DKK3: variants seen among roughly 807,000 people sequenced by gnomAD.
DKK3 encodes dickkopf Wnt signaling pathway inhibitor 3, also known as dickkopf-related protein 3.
A neutral mutation model predicts 33.2 loss-of-function variants in DKK3; 22 were observed. The observed-to-expected ratio is 0.66, with a 90% CI of 0.47 to 0.95. The LOEUF (loss-of-function observed/expected upper bound fraction) is 0.95, where lower values mean the gene tolerates loss of function less well. DKK3 is among the 40% of genes least tolerant of loss of function. DKK3 has a pLI of 0.00. For missense variants in DKK3, 398 were observed against 458.4 expected (o/e 0.87, Z 1.20); for synonymous variants, 194 against 188.8 (o/e 1.03, Z -0.23).
rs529692888 is a variant in DKK3, at chr11:11,964,278, G to C, written c.*186C>G. On this transcript the variant is annotated 3_prime_UTR_variant, in exon 7 of 7. Coordinates refer to ENST00000683431, the MANE Select transcript of DKK3 (RefSeq NM_001018057.2). ...GCCTGACTCTCCCAAGCACCAGACT[G>C]TGAAGCCTGGAGAACAGCCTGGGGG... 2.7e-6 allele frequency: 2 copies of C among 752,732 alleles called. No homozygotes were observed. Among genetic ancestry groups the C allele is most frequent in the East Asian group, 5.1e-5 (2 of 38,962 alleles). 46.6% of individuals were successfully genotyped at this position (752,732 alleles called of 1,614,324 possible).
In DKK3 at chr11:12,008,490, T is replaced by C; in HGVS notation, c.93A>G (p.Pro31=). 6.2e-7 allele frequency: 1 copy of C among 1,602,280 alleles called. No homozygotes were observed. The highest frequency in any genetic ancestry group is 8.5e-7 in the Non-Finnish European group (1 of 1,178,078). ...PAPAPTATSA[P]VKPGPALSYP... ...AGCTGAGAGCCGGGCCGGGCTTGAC[T>C]GGAGCCGAGGTCGCCGTCGGAGCGG... Residue 31 remains proline (P), a synonymous_variant, in exon 1 of 7, where the codon CCA becomes CCG. Transcript: ENST00000683431. The surrounding 1 kb of genome is among the most constrained non-coding windows in gnomAD (Gnocchi z 4.6).
rs760620074 is a variant in DKK3 at position 11,963,422 on chromosome 11, A to G, written c.*1042T>C. The G allele has an allele frequency of 1.3e-4, 20 of 152,306 alleles. No individual in the cohort carries two copies. The highest frequency in any genetic ancestry group is 6.2e-4 in the South Asian group (3 of 4,830). 9.4% of individuals were successfully genotyped at this position (152,306 alleles called of 1,614,324 possible). A position where few individuals can be genotyped will look rare whatever the true frequency, so the allele number is the denominator to read the frequency against. On this transcript the variant is annotated 3_prime_UTR_variant, in exon 7 of 7. Coordinates refer to ENST00000683431, the MANE Select transcript of DKK3 (RefSeq NM_001018057.2). The stretch of plus-strand genomic sequence containing the variant: ...TTTCATTTATAATCCTCGCCCTACA[A>G]TTACCTAAGTACTGTTTCTGCAGGT...
chr11:11,971,145 A>T (rs983554103), intron 3 of DKK3, among the ~76,000 whole-genome samples: 4 of 151,646 alleles, frequency 2.6e-5, no homozygotes, highest in Admixed American at 6.6e-5. Flanking sequence ...ACACTTGTCC[A>T]TATATGTAAA....
chr11:12,005,918 T>C (rs1848527305), intron 1 of DKK3, among the ~76,000 whole-genome samples: 1 of 152,234 alleles, frequency 6.6e-6, no homozygotes, highest in African/African-American at 2.4e-5. Context: ...TAATTTTTAA[T>C]GGTTTAAGAT....
intron 1 of DKK3, among the ~76,000 whole-genome samples, chr11:12,005,942 G>A (rs985644604): frequency 6.6e-6 from 1 of 152,088 alleles, no homozygotes; most frequent in Non-Finnish European, 1.5e-5. Flanking sequence ...TTAAAAGATA[G>A]ATTCTATTGA....
chr11:12,003,628 C>G (rs1046552811), intron 1 of DKK3, among the ~76,000 whole-genome samples: 1 of 152,042 alleles, frequency 6.6e-6, no homozygotes, highest in Non-Finnish European at 1.5e-5. Context: ...ACTAATTGAG[C>G]CAATCAGATA....
chr11:11,967,377 T>C (rs145030369), intron 4 of DKK3, among the ~76,000 whole-genome samples: 28 of 152,354 alleles, frequency 1.8e-4, no homozygotes, highest in African/African-American at 5.8e-4. Context: ...AGGGGGTCTT[T>C]GTGGTCCCCA....
chr11:11,967,226 T>A, intron 4 of DKK3, 128 bp from the exon 5 acceptor site: 1 of 1,212,824 alleles, frequency 8.2e-7, no homozygotes. Context: ...CAGACCAGGC[T>A]GAGATTTCAG....
Position 11,998,704 on chromosome 11 carries a change from T to C in DKK3, c.427A>G (p.Arg143Gly). The change falls in exon 3 of 7, where the codon AGG becomes GGG. Residue 143 changes from arginine (R) to glycine (G), a missense_variant. Arg to Gly is a moderately radical substitution (Grantham distance 125, BLOSUM62 -2). Transcript: ENST00000683431. ...GGGAAATGACAACTTACGTGGCTCCTTCTGCCTTCTTCGTCTCCCACAGAT... is the reference window on the plus strand; with the variant it reads ...GGGAAATGACAACTTACGTGGCTCCCTCTGCCTTCTTCGTCTCCCACAGAT... ...ITSVGDEEGR[R>G]SHECIIDEDC... 1 of 1,614,080 alleles carries C rather than the reference T, an allele frequency of 6.2e-7. No individual in the cohort carries two copies. The highest frequency in any genetic ancestry group is 8.5e-7 in the Non-Finnish European group (1 of 1,179,908).
chr11:11,975,264 G>C (rs534129528), intron 3 of DKK3, among the ~76,000 whole-genome samples: 2 of 152,318 alleles, frequency 1.3e-5, no homozygotes, highest in Admixed American at 6.5e-5. Context: ...TAAGCCTTCA[G>C]CATCTTATTG....
At chr11:11,998,235 GCCCTGAAATGGACGGACAGCCTTTTT>G in intron 3 of DKK3, 1 of 210,782 alleles carries the variant, frequency 4.7e-6, no homozygotes, top group Non-Finnish European at 9.3e-6. Flanking sequence ...CCAGAGCCTA[GCCCTGAAATGGACGGACAGCCTTTTT>G]CCCTTTAGGC....
At chr11:11,995,517 C>A (rs1848273991) in intron 3 of DKK3, among the ~76,000 whole-genome samples, 1 of 152,178 alleles carries the variant, frequency 6.6e-6, no homozygotes, top group Admixed American at 6.5e-5. Flanking sequence ...ACCGGAAAGA[C>A]AACACATGCA....
rs560085303 is a variant in DKK3, at chr11:11,991,912, A to G, written c.435+6784T>C. On this transcript the variant is annotated intron_variant, in intron 3 of 6. Transcript: ENST00000683431. ...TGGCTACCTGGTTTTCCCCTGCACC[A>G]TGCCCCCACAATGCCCTGTGCAACC... Among the ~76,000 whole-genome samples, 57 of 152,296 alleles carry G rather than the reference A, an allele frequency of 3.7e-4. No homozygotes were observed. In the Middle Eastern group the frequency reaches 0.01, roughly 27 times the overall value.
chr11:12,005,026 G>GA (rs1272087959), intron 1 of DKK3, among the ~76,000 whole-genome samples: 4 of 152,248 alleles, frequency 2.6e-5, no homozygotes, highest in East Asian at 3.9e-4. Flanking sequence ...GTTAGTGATA[G>GA]AAAAAAACGC....
intron 3 of DKK3, among the ~76,000 whole-genome samples, chr11:11,971,031 T>C (rs1428936018): frequency 5.5e-5 from 7 of 127,188 alleles, no homozygotes; most frequent in African/African-American, 2.2e-4. Context: ...AATTGAAGAT[T>C]TTTTTTTTTT....
chr11:11,997,814 C>A (rs1438920182), intron 3 of DKK3, among the ~76,000 whole-genome samples: 4 of 152,174 alleles, frequency 2.6e-5, no homozygotes, highest in Non-Finnish European at 4.4e-5. Flanking sequence ...AAGACAACAC[C>A]ACCTTCCTAA....
At chr11:11,994,595 C>T (rs947403118) in intron 3 of DKK3, 8 of 152,054 alleles carry the variant, frequency 5.3e-5, no homozygotes, top group African/African-American at 1.9e-4. Context: ...AAATCATAAG[C>T]CCCCAGCGAT....
chr11:12,002,164 T>A, intron 2 of DKK3, 136 bp downstream of exon 2: 1 of 1,008,384 alleles, frequency 9.9e-7, no homozygotes, highest in Non-Finnish European at 1.4e-6. Flanking sequence ...TCCTTCTGGT[T>A]TTCAATCCGT....
At chr11:11,998,307 C>G (rs1848341939) in intron 3 of DKK3, 1 of 312,516 alleles carries the variant, frequency 3.2e-6, no homozygotes, top group African/African-American at 2.2e-5. Context: ...TGTTCTCAAA[C>G]TGCCTGACCA....
Sources: gnomAD v4.1 joint callset for allele counts (sites outside exome capture counted in the v4.1 genomes callset) on GRCh38, gnomAD v4.1.1 for gene constraint, Gnocchi (gnomAD v3.1) non-coding constraint, MANE v1.5 for transcripts, NCBI Gene and HGNC (gene_info 2026-07-23, HGNC 2026-07-21) for gene names.